Variants in PRKCE observed in about 807,000 individuals in gnomAD.
PRKCE encodes protein kinase C epsilon.
Under a neutral mutation model 85.4 loss-of-function variants are expected in PRKCE, and 16 were observed. The observed-to-expected ratio is 0.19, with a 90% CI of 0.13 to 0.28. The LOEUF (loss-of-function observed/expected upper bound fraction) is 0.28, where lower values mean the gene tolerates loss of function less well. Among genes scored for constraint, PRKCE ranks in the 10% least tolerant of loss-of-function variants. The probability of loss-of-function intolerance (pLI) is 1.00; values close to 1 mark genes in which losing one functional copy is unlikely to be tolerated. For missense variants in PRKCE, 573 were observed against 975.2 expected, an observed-to-expected ratio of 0.59 and a Z score of 5.49; for synonymous variants, 388 against 371.5, an observed-to-expected ratio of 1.04 and a Z score of -0.51.
Position 45,809,569 on chromosome 2 carries a change from G to GT in PRKCE, c.349-33422dup, listed in dbSNP as rs144101599. The stretch of plus-strand genomic sequence containing the variant: ...ATAGCGACTTAAAGAAGATAAATGT[G>GT]TTTTTTTTTCTCACACATGAAAGTC... On this transcript the variant is annotated intron_variant, in intron 1 of 14. Coordinates refer to ENST00000306156, the MANE Select transcript of PRKCE (RefSeq NM_005400.3). Among the ~76,000 whole-genome samples the GT allele has an allele frequency of 1.1e-4, 16 of 151,316 alleles. No homozygotes were observed. The East Asian group carries it at 2.1e-3, about 20-fold the overall frequency.
At chr2:45,982,268 C>T (rs370168473) in intron 5 of PRKCE, among the ~76,000 whole-genome samples, 4 of 148,896 alleles carry the variant, frequency 2.7e-5, no homozygotes, top group Non-Finnish European at 4.5e-5. Flanking sequence ...ACTTTGAGTT[C>T]GTTCTTTTGT....
At chr2:45,966,347 G>A (rs1475226824) in intron 2 of PRKCE, among the ~76,000 whole-genome samples, 1 of 152,184 alleles carries the variant, frequency 6.6e-6, no homozygotes, top group Non-Finnish European at 1.5e-5. Flanking sequence ...TGTCACACAT[G>A]TGAGGTACTA....
chr2:46,155,363 G>A lies in PRKCE; in HGVS notation c.1920+4134G>A, dbSNP rs1463039233. On this transcript the variant is annotated intron_variant, in intron 13 of 14. Transcript: ENST00000306156. The surrounding 1 kb of genome is among the most constrained non-coding windows in gnomAD (Gnocchi z 4.7). The stretch of plus-strand genomic sequence containing the variant: ...TCAGCTCCTTGCTGGTGTCACTCGC[G>A]GGCCCCTGTTCGGCTCCTTCATGAA... Among the ~76,000 whole-genome samples, 2 of 152,018 alleles carry A rather than the reference G, an allele frequency of 1.3e-5. No individual in the cohort carries two copies. Among genetic ancestry groups the A allele is most frequent in the East Asian group, 1.9e-4 (1 of 5,188 alleles).
At chr2:46,009,112 T>C (rs1705446688) in intron 9 of PRKCE, among the ~76,000 whole-genome samples, 1 of 152,302 alleles carries the variant, frequency 6.6e-6, no homozygotes, top group East Asian at 1.9e-4. Flanking sequence ...TATCAAATGA[T>C]AGGAACACTT....
chr2:45,732,213 C>A (rs1000737120), intron 1 of PRKCE, among the ~76,000 whole-genome samples: 1 of 152,084 alleles, frequency 6.6e-6, no homozygotes, highest in Non-Finnish European at 1.5e-5. Flanking sequence ...CATCCTAGGG[C>A]AGGCAAAGGG....
At chr2:46,037,431 A>G (rs1707936719) in intron 10 of PRKCE, among the ~76,000 whole-genome samples, 2 of 152,188 alleles carry the variant, frequency 1.3e-5, no homozygotes, top group Admixed American at 1.3e-4. Context: ...ACCATATGAC[A>G]TGGCAAAAAG....
At chr2:45,752,389 C>CT (rs2104755358) in intron 1 of PRKCE, among the ~76,000 whole-genome samples, 2 of 152,336 alleles carry the variant, frequency 1.3e-5, no homozygotes, top group East Asian at 3.9e-4. Flanking sequence ...CAACCCTGTG[C>CT]TGAACTGCTT....
chr2:46,107,825 C>A (rs1671875521), intron 11 of PRKCE, among the ~76,000 whole-genome samples: 1 of 152,096 alleles, frequency 6.6e-6, no homozygotes, highest in Non-Finnish European at 1.5e-5. Context: ...CACATCTTTT[C>A]CTATCTTATT....
intron 2 of PRKCE, among the ~76,000 whole-genome samples, chr2:45,917,898 C>T (rs1697938773): frequency 7.6e-6 from 1 of 131,374 alleles, no homozygotes; most frequent in Non-Finnish European, 1.7e-5. Context: ...GTACACCCTC[C>T]GCAGCCGCTG....
At chr2:45,903,915 GTTTT>G (rs57203202) in intron 2 of PRKCE, among the ~76,000 whole-genome samples, 13 of 93,696 alleles carry the variant, frequency 1.4e-4, no homozygotes, top group African/African-American at 2.0e-4. Context: ...TTGTTTGTTT[GTTTT>G]TTTTGGCAGG....
chr2:46,184,764 C>G lies in PRKCE; in HGVS notation c.2097C>G (p.Asp699Glu). 6.3e-7 allele frequency: 1 copy of G among 1,599,742 alleles called. No individual in the cohort carries two copies. Among genetic ancestry groups the G allele is most frequent in the South Asian group, 1.1e-5 (1 of 91,084 alleles). Residue 699 changes from aspartate to glutamate, a missense_variant, in exon 15 of 15, where the codon GAC becomes GAG. Transcript: ENST00000306156. The surrounding 1 kb of genome is among the most constrained non-coding windows in gnomAD (Gnocchi z 5.0). Reference sequence around the variant, plus strand: ...CCAAAAGAGACGTCAATAATTTTGACCAAGACTTTACCCGGGAAGAGCCGG... The same window carrying G: ...CCAAAAGAGACGTCAATAATTTTGAGCAAGACTTTACCCGGGAAGAGCCGG... ...IKTKRDVNNF[D>E]QDFTREEPVL...
At chr2:45,950,890 A>G (rs1244604643) in intron 2 of PRKCE, among the ~76,000 whole-genome samples, 1 of 152,180 alleles carries the variant, frequency 6.6e-6, no homozygotes, top group Non-Finnish European at 1.5e-5. Context: ...GGCTCCTCTA[A>G]TTAAGTCCTG....
intron 9 of PRKCE, 53 bp downstream of exon 9, chr2:46,007,714 G>T (rs1425165332): frequency 2.0e-6 from 3 of 1,535,012 alleles, no homozygotes; most frequent in Admixed American, 3.6e-5. Context: ...CCTTAGCATT[G>T]TTTCGTCTGT....
intron 1 of PRKCE, among the ~76,000 whole-genome samples, chr2:45,800,359 A>C (rs916032945): frequency 6.6e-6 from 1 of 152,202 alleles, no homozygotes; most frequent in African/African-American, 2.4e-5. Context: ...ATAAAGCCTC[A>C]TGCTGGGGGG....
intron 1 of PRKCE, among the ~76,000 whole-genome samples, chr2:45,665,107 T>A (rs955582191): frequency 1.3e-5 from 2 of 152,256 alleles, no homozygotes; most frequent in Admixed American, 6.5e-5. Flanking sequence ...TGAGGAAATA[T>A]GCATTTACTT....
At chr2:45,664,908 C>G (rs1384100170) in intron 1 of PRKCE, among the ~76,000 whole-genome samples, 3 of 152,144 alleles carry the variant, frequency 2.0e-5, no homozygotes, top group Non-Finnish European at 2.9e-5. Flanking sequence ...CCATGTGAGT[C>G]TTATATATGC....
intron 1 of PRKCE, among the ~76,000 whole-genome samples, chr2:45,785,032 G>C (rs932734123): frequency 2.0e-5 from 3 of 152,152 alleles, no homozygotes; most frequent in African/African-American, 7.2e-5. Context: ...CTTAGGGCTA[G>C]AGTGTCATTA....
chr2:46,129,082 G>A (rs944356754), intron 11 of PRKCE, among the ~76,000 whole-genome samples: 2 of 152,162 alleles, frequency 1.3e-5, no homozygotes, highest in African/African-American at 2.4e-5. Context: ...TGAGCAAGAC[G>A]TGCACCCTCT....
At chr2:46,150,154 A>G (rs146739907) in intron 12 of PRKCE, among the ~76,000 whole-genome samples, 2,735 of 152,288 alleles carry the variant, frequency 0.018, 27 homozygotes, top group Non-Finnish European at 0.027. Context: ...CCAGCCAGAA[A>G]AGATGTCTTG....
Sources: allele counts gnomAD v4.1 joint callset (sites outside exome capture counted in the v4.1 genomes callset), GRCh38; gene constraint gnomAD v4.1.1; non-coding constraint Gnocchi (gnomAD v3.1); transcripts MANE v1.5; gene names NCBI Gene and HGNC (gene_info 2026-07-23, HGNC 2026-07-21).